Variants in PTPRT observed in about 807,000 individuals in gnomAD.
PTPRT encodes the protein receptor-type tyrosine-protein phosphatase T.
Under a neutral mutation model 176.8 loss-of-function variants are expected in PTPRT, and 56 were observed. The ratio of observed to expected loss-of-function variants is 0.32; its 90% confidence interval spans 0.26 to 0.40. The LOEUF (loss-of-function observed/expected upper bound fraction) is 0.40. Among genes scored for constraint, PTPRT ranks in the 10% least tolerant of loss-of-function variants. The pLI is 1.00. For synonymous variants in PTPRT, 783 were observed against 739.0 expected (o/e 1.06, Z -0.96); for missense variants, 1,540 against 1,908.2 (o/e 0.81, Z 3.60).
At chr20:42,818,320 A>C (rs1399741202) in intron 2 of PTPRT, among the ~76,000 whole-genome samples, 29 of 152,042 alleles carry the variant, frequency 1.9e-4, no homozygotes, top group Non-Finnish European at 1.5e-5. Flanking sequence ...AAGAAGCAGA[A>C]AGTGACAACA....
chr20:42,056,849 C>G, the PTPRT span, among the ~76,000 whole-genome samples: 2 of 152,196 alleles, frequency 1.3e-5, no homozygotes, highest in Non-Finnish European at 2.9e-5. Flanking sequence ...TAATGCCTAA[C>G]ACAGGAAAGA....
intron 16 of PTPRT, among the ~76,000 whole-genome samples, chr20:42,165,848 G>C (rs1989800486): frequency 6.6e-6 from 1 of 152,174 alleles, no homozygotes; most frequent in African/African-American, 2.4e-5. Flanking sequence ...GCACTGGCCA[G>C]TGGAAATATA....
At chr20:42,193,629 T>C (rs888931511) in intron 16 of PTPRT, among the ~76,000 whole-genome samples, 1 of 152,216 alleles carries the variant, frequency 6.6e-6, no homozygotes, top group Non-Finnish European at 1.5e-5. Flanking sequence ...TATCTAATGA[T>C]AGGGTTCCTT....
intron 17 of PTPRT, among the ~76,000 whole-genome samples, chr20:42,148,054 T>G (rs1450258969): frequency 6.6e-6 from 1 of 152,176 alleles, no homozygotes; most frequent in Non-Finnish European, 1.5e-5. Flanking sequence ...TTACAGTAGA[T>G]TGACCAGGGA....
chr20:43,078,132 T>C (rs569613329), intron 1 of PTPRT, among the ~76,000 whole-genome samples: 25 of 152,354 alleles, frequency 1.6e-4, no homozygotes, highest in African/African-American at 4.8e-4. Context: ...ACTGTGTCTA[T>C]TGCTCAGTAC....
chr20:42,062,145 C>T, the PTPRT span, among the ~76,000 whole-genome samples: 4 of 152,122 alleles, frequency 2.6e-5, no homozygotes, highest in Non-Finnish European at 2.9e-5. Flanking sequence ...CATTCCACTT[C>T]GGCAGGCCTT....
At chr20:42,236,852 C>G (rs2056253910) in intron 14 of PTPRT, among the ~76,000 whole-genome samples, 2 of 152,122 alleles carry the variant, frequency 1.3e-5, no homozygotes, top group South Asian at 4.2e-4. Flanking sequence ...TATTCAGGCC[C>G]TTGTGGACTG....
intron 15 of PTPRT, among the ~76,000 whole-genome samples, chr20:42,201,385 A>G (rs781139914): frequency 3.3e-5 from 5 of 152,202 alleles, no homozygotes; most frequent in Non-Finnish European, 7.3e-5. Context: ...CATAGGACAA[A>G]TTCCAGTTTG....
chr20:42,647,966 T>C lies in PTPRT; in HGVS notation c.1153+29900A>G, dbSNP rs149566942. Among the ~76,000 whole-genome samples, 532 of 152,208 alleles carry C rather than the reference T, an allele frequency of 3.5e-3. 8 individuals are homozygous for C. Among genetic ancestry groups the C allele is most frequent in the African/African-American group, 0.012 (509 of 41,514 alleles). ...GGTAAGCTTTGCTGGAAATTTCTCG[T>C]CCCTACTCAAGATGGCAACCAAGGA... On this transcript the variant is annotated intron_variant, in intron 7 of 30. Transcript: ENST00000373187.
intron 12 of PTPRT, among the ~76,000 whole-genome samples, chr20:42,285,775 G>A (rs2057219575): frequency 6.9e-6 from 1 of 144,530 alleles, no homozygotes; most frequent in Non-Finnish European, 1.5e-5. Context: ...ATGATCTTAT[G>A]TATACGAAAA....
At chr20:42,035,457 T>A in the PTPRT span, among the ~76,000 whole-genome samples, 745 of 152,138 alleles carry the variant, frequency 4.9e-3, 2 homozygotes, top group African/African-American at 0.017. Flanking sequence ...AGCATCAATA[T>A]CTAACATTTC....
chr20:42,970,249 T>A (rs535990374), intron 1 of PTPRT, among the ~76,000 whole-genome samples: 1 of 152,264 alleles, frequency 6.6e-6, no homozygotes, highest in East Asian at 1.9e-4. Context: ...TTAATATAAA[T>A]CTCAGGATAT....
chr20:42,822,763 G>C (rs1344982425), intron 2 of PTPRT, among the ~76,000 whole-genome samples: 1 of 152,032 alleles, frequency 6.6e-6, no homozygotes, highest in Non-Finnish European at 1.5e-5. Flanking sequence ...CTCAAACGAA[G>C]ACATTTACGC....
rs75011843 is a variant in PTPRT at position 42,598,557 on chromosome 20, G to A, written c.1153+79309C>T. ...TTTAATAGAGGCTAGATAGACGTTG[G>A]TATTATGGGATGTCTTGAGGTTCTA... On this transcript the variant is annotated intron_variant, in intron 7 of 30. Coordinates refer to ENST00000373187, the MANE Select transcript of PTPRT (RefSeq NM_007050.6). 6.3e-3 allele frequency among the ~76,000 whole-genome samples: 958 copies of A among 152,242 alleles called. 16 individuals carry two copies. The highest frequency in any genetic ancestry group is 0.022 in the African/African-American group (907 of 41,542).
intron 8 of PTPRT, among the ~76,000 whole-genome samples, chr20:42,463,635 T>C (rs2071058447): frequency 6.6e-6 from 1 of 152,114 alleles, no homozygotes; most frequent in African/African-American, 2.4e-5. Context: ...TTTATCTCCA[T>C]TTCTACATCT....
chr20:42,819,149 G>C (rs2077844456), intron 2 of PTPRT, among the ~76,000 whole-genome samples: 1 of 152,178 alleles, frequency 6.6e-6, no homozygotes, highest in Admixed American at 6.5e-5. Flanking sequence ...GGCAGACAGA[G>C]AGAAAGGCCA....
At chr20:42,877,422 A>G (rs924329694) in intron 2 of PTPRT, among the ~76,000 whole-genome samples, 6 of 152,136 alleles carry the variant, frequency 3.9e-5, no homozygotes, top group Admixed American at 3.3e-4. Flanking sequence ...ACTGAGACTC[A>G]ACACAATGAG....
intron 7 of PTPRT, among the ~76,000 whole-genome samples, chr20:42,631,382 T>C (rs1000785490): frequency 7.8e-6 from 1 of 128,496 alleles, no homozygotes; most frequent in Non-Finnish European, 1.7e-5. Flanking sequence ...AGTAACAAAA[T>C]GATCTACACA....
At chr20:42,640,277 C>T (rs888827629) in intron 7 of PTPRT, among the ~76,000 whole-genome samples, 4 of 152,016 alleles carry the variant, frequency 2.6e-5, no homozygotes, top group African/African-American at 9.7e-5. Context: ...TATTCTTTGT[C>T]TATACATTTT....
Sources: allele counts gnomAD v4.1 joint callset (sites outside exome capture counted in the v4.1 genomes callset), GRCh38; gene constraint gnomAD v4.1.1; transcripts MANE v1.5; gene names NCBI Gene and HGNC (gene_info 2026-07-23, HGNC 2026-07-21).